Variants in USP42 observed in about 807,000 individuals in gnomAD.
USP42 encodes ubiquitin carboxyl-terminal hydrolase 42.
Under a neutral mutation model 113.0 loss-of-function variants are expected in USP42, and 23 were observed. The ratio of observed to expected loss-of-function variants is 0.20; its 90% CI spans 0.15 to 0.29. The LOEUF (loss-of-function observed/expected upper bound fraction) is 0.29. Among genes scored for constraint, USP42 ranks in the 10% least tolerant of loss-of-function variants. USP42 has a pLI of 1.00. For synonymous variants in USP42, 933 were observed against 699.0 expected, an observed-to-expected ratio of 1.33 and a Z score of -5.28; for missense variants, 2,174 against 1,779.8, an observed-to-expected ratio of 1.22 and a Z score of -3.99.
upstream of USP42, among the ~76,000 whole-genome samples, chr7:6,103,478 T>C (rs946640685): frequency 2.0e-5 from 3 of 149,230 alleles, no homozygotes; most frequent in Non-Finnish European, 2.9e-5. Context: ...GATGACACCA[T>C]TGCACTCCAG....
At chr7:6,104,843 C>T (rs1014050586), upstream of USP42, 3 of 148,234 alleles carry the variant, frequency 2.0e-5, no homozygotes, top group Non-Finnish European at 4.5e-5. Flanking sequence ...TGGGCGGCGG[C>T]GCGTTCGGGC....
rs1481642940 is a variant in USP42 at position 6,161,550 on chromosome 7, T to C, written c.*1032T>C. 1 of 152,638 alleles carries C rather than the reference T, an allele frequency of 6.6e-6. No homozygotes were observed. The highest frequency in any genetic ancestry group is 2.4e-5 in the African/African-American group (1 of 41,450). 9.5% of individuals were successfully genotyped at this position (152,638 alleles called of 1,614,324 possible). A position where few individuals can be genotyped will look rare whatever the true frequency, so the allele number is the denominator to read the frequency against. The stretch of plus-strand genomic sequence containing the variant: ...ATGTAAAATTTCTATAGTATATAAA[T>C]GGCAGCAAATCACACACTTGGCGTC... On this transcript the variant is annotated 3_prime_UTR_variant, in exon 18 of 18. Coordinates refer to ENST00000306177, the MANE Select transcript of USP42 (RefSeq NM_032172.3).
chr7:6,131,846 A>C (rs1295990288), intron 3 of USP42, among the ~76,000 whole-genome samples: 1 of 152,330 alleles, frequency 6.6e-6, no homozygotes, highest in South Asian at 2.1e-4. Flanking sequence ...CAGGAGGAAT[A>C]GAAAACTACC....
Position 6,112,134 on chromosome 7 carries a change from C to G in USP42, c.241+760C>G, listed in dbSNP as rs147274925. ...TTTTTCCTGGCAGTTAAAAATCATT[C>G]GTAGTAATAAAGCTCTTTGAAAGAG... On this transcript the variant is annotated intron_variant, in intron 2 of 17. Coordinates refer to ENST00000306177, the MANE Select transcript of USP42 (RefSeq NM_032172.3). Among the ~76,000 whole-genome samples the G allele has an allele frequency of 6.6e-4, 100 of 151,782 alleles. 1 individual carries two copies. Among genetic ancestry groups the G allele is most frequent in the Non-Finnish European group, 1.3e-3 (87 of 67,940 alleles).
At chr7:6,115,891 G>A (rs1021215597) in intron 3 of USP42, among the ~76,000 whole-genome samples, 2 of 152,046 alleles carry the variant, frequency 1.3e-5, no homozygotes, top group Non-Finnish European at 2.9e-5. Flanking sequence ...TCGAGCCCAA[G>A]AGTTGGAGAC....
intron 3 of USP42, among the ~76,000 whole-genome samples, chr7:6,124,865 A>G (rs1296150739): frequency 6.6e-6 from 1 of 151,960 alleles, no homozygotes; most frequent in Admixed American, 6.6e-5. Context: ...TCTTTAACGT[A>G]TCAGTTTACC....
At position 6,150,491 on chromosome 7, in the gene USP42, C is replaced by T. The variant is rs374947317; in HGVS notation, c.2186C>T (p.Ser729Leu). ...AGGCTTAGCAACAAACTGAAAGGCT[C>T]GACGGATGAAATGAGGTAACGTAAG... Reference protein sequence around the residue: ...TFRLSNKLKGSTDEMSAPGAE... With the variant: ...TFRLSNKLKGLTDEMSAPGAE... Residue 729 changes from serine to leucine, a missense_variant, in exon 14 of 18, where the codon TCG becomes TTG. By Grantham distance (145) the Ser-to-Leu change is moderately radical. Transcript: ENST00000306177. The T allele has an allele frequency of 2.5e-5, 41 of 1,613,700 alleles. No individual in the cohort carries two copies. Among genetic ancestry groups the T allele is most frequent in the Middle Eastern group, 1.6e-4 (1 of 6,084 alleles).
Position 6,154,158 on chromosome 7 carries a change from G to T in USP42, c.2604G>T (p.Glu868Asp). 4.4e-6 allele frequency: 7 copies of T among 1,594,574 alleles called. No homozygotes were observed. The highest frequency in any genetic ancestry group is 5.1e-6 in the Non-Finnish European group (6 of 1,171,510). Reference protein sequence around the residue: ...APPARSEEPCEQPLLVHPSGD... With the variant: ...APPARSEEPCDQPLLVHPSGD... ...CTGCGCGGTCGGAGGAGCCCTGCGA[G>T]CAGCCACTCCTTGTTCACCCCAGCG... Residue 868 changes from glutamate (E) to aspartate (D), a missense_variant, in exon 15 of 18, where the codon GAG becomes GAT. Transcript: ENST00000306177.
At chr7:6,081,898 A>T in the USP42 span, 1 of 152,290 alleles carries the variant, frequency 6.6e-6, no homozygotes, top group African/African-American at 2.4e-5. Flanking sequence ...ACTAACATAT[A>T]TAGAAATATA....
chr7:6,148,290 T>C (rs1583667484), intron 12 of USP42, among the ~76,000 whole-genome samples: 3 of 151,894 alleles, frequency 2.0e-5, no homozygotes, highest in East Asian at 3.9e-4. Flanking sequence ...TGAGCTGAGA[T>C]TGCACCACTG....
chr7:6,089,878 A>G, the USP42 span, among the ~76,000 whole-genome samples: 4 of 150,852 alleles, frequency 2.7e-5, 1 homozygote, highest in South Asian at 4.2e-4. Context: ...CTGATGAAAT[A>G]TGGCTTGCTG....
intron 3 of USP42, 138 bp downstream of exon 3, chr7:6,115,661 A>G (rs1779871637): frequency 2.0e-6 from 2 of 1,020,054 alleles, no homozygotes; most frequent in African/African-American, 1.6e-5. Context: ...GAAACCAAGG[A>G]GGAGGACTCA....
intron 3 of USP42, among the ~76,000 whole-genome samples, chr7:6,133,995 A>G (rs1002727620): frequency 4.1e-5 from 6 of 148,068 alleles, no homozygotes; most frequent in African/African-American, 1.5e-4. Context: ...GGTTCACGCC[A>G]TTCTCTTGCC....
In USP42 at chr7:6,124,212, T is replaced by A. The variant is rs543202595; in HGVS notation, c.442+8689T>A. On this transcript the variant is annotated intron_variant, in intron 3 of 17. Transcript: ENST00000306177. ...TCTTATGATTCATGTTAGCATGATA[T>A]ATTTTTTCCATCTTTTTATCTTTAA... 1.4e-4 allele frequency among the ~76,000 whole-genome samples: 21 copies of A among 152,082 alleles called. 1 individual carries two copies. The South Asian group carries it at 4.4e-3, about 32-fold the overall frequency.
At position 6,157,933 on chromosome 7, in the gene USP42, G is replaced by C. The variant is rs946471054; in HGVS notation, c.3943+878G>C. ...CAGCCCCCCACTTCCTCTCCCGTTG[G>C]TGTCCGGTGACCGCTCACCCTCGAG... On this transcript the variant is annotated intron_variant, in intron 16 of 17. Transcript: ENST00000306177. This position sits in a 1 kb window ranked among gnomAD's most constrained non-coding sequence, Gnocchi z 4.1. 6.6e-6 allele frequency among the ~76,000 whole-genome samples: 1 copy of C among 152,134 alleles called. No homozygotes were observed. The highest frequency in any genetic ancestry group is 1.5e-5 in the Non-Finnish European group (1 of 68,032).
chr7:6,092,027 TTC>T, the USP42 span, among the ~76,000 whole-genome samples: 25 of 110,638 alleles, frequency 2.3e-4, no homozygotes, highest in Middle Eastern at 4.7e-3. Flanking sequence ...CTTCTTCTTC[TTC>T]TTCTTCTTCT....
At chr7:6,101,277 C>T (rs1790120366), upstream of USP42, among the ~76,000 whole-genome samples, 1 of 151,038 alleles carries the variant, frequency 6.6e-6, no homozygotes, top group Non-Finnish European at 1.5e-5. Context: ...GTGCCCACTG[C>T]AGGCTCCCTA....
At chr7:6,146,304 TATC>T (rs1342057619) in intron 11 of USP42, 56 bp downstream of exon 11, 1 of 1,083,908 alleles carries the variant, frequency 9.2e-7, no homozygotes, top group Admixed American at 2.9e-5. Context: ...CTTCTTGTCT[TATC>T]AACATGTTTG....
rs1171597118 is a variant in USP42, at chr7:6,109,700, C to G, written c.-9-1425C>G. Among the ~76,000 whole-genome samples, 8 of 125,584 alleles carry G rather than the reference C, an allele frequency of 6.4e-5. No individual in the cohort carries two copies. In the East Asian group the frequency reaches 1.6e-3, roughly 25 times the overall value. The allele number at this position is 125,584 out of a possible 152,430, so 82.4% of individuals were successfully genotyped here. On this transcript the variant is annotated intron_variant, in intron 1 of 17. Coordinates refer to ENST00000306177, the MANE Select transcript of USP42 (RefSeq NM_032172.3). ...TGTGAGCCACTGCGCCCCGCCCGGC[C>G]TTTTTTTTTTTTTTTTTTGAGACTT...
Sources: gnomAD v4.1 joint callset for allele counts (sites outside exome capture counted in the v4.1 genomes callset) on GRCh38, gnomAD v4.1.1 for gene constraint, Gnocchi (gnomAD v3.1) non-coding constraint, MANE v1.5 for transcripts, NCBI Gene and HGNC (gene_info 2026-07-23, HGNC 2026-07-21) for gene names.